Variants in IQUB observed in about 807,000 individuals in gnomAD.
The protein encoded by IQUB is IQ motif and ubiquitin domain containing, also known as IQ motif and ubiquitin-like domain-containing protein.
Under a neutral mutation model 86.4 loss-of-function variants are expected in IQUB, and 86 were observed. The ratio of observed to expected loss-of-function variants is 1.00; its 90% CI spans 0.84 to 1.19. The LOEUF (loss-of-function observed/expected upper bound fraction) is 1.19. IQUB is among the 50% of genes most tolerant of loss of function. The pLI, the probability that IQUB is intolerant of heterozygous loss-of-function variation, is 0.00. For synonymous variants in IQUB, 289 were observed against 304.5 expected (o/e 0.95, Z 0.53); for missense variants, 946 against 916.9 (o/e 1.03, Z -0.41).
chr7:123,524,807 G>T (rs199547414), intron 1 of IQUB, among the ~76,000 whole-genome samples: 46,305 of 140,964 alleles, frequency 0.33, 7,518 homozygotes, highest in African/African-American at 0.34. Flanking sequence ...TTCCAGTTTT[G>T]GCCCATTCAG....
In IQUB at chr7:123,465,581, T is replaced by C. The variant is rs576988622; in HGVS notation, c.1582-572A>G. ...AGTAATAGAAATGAGTGTGGTTGGA[T>C]GAAAAAGCCACAAGTAACAAGCGAT... On this transcript the variant is annotated intron_variant, in intron 9 of 12. Coordinates refer to ENST00000324698, the MANE Select transcript of IQUB (RefSeq NM_178827.5). 2.6e-5 allele frequency among the ~76,000 whole-genome samples: 4 copies of C among 152,104 alleles called. No homozygotes were observed. In the East Asian group the frequency reaches 5.8e-4, roughly 22 times the overall value.
intron 8 of IQUB, among the ~76,000 whole-genome samples, chr7:123,478,585 A>G (rs9640816): frequency 0.24 from 36,161 of 152,048 alleles, 4,947 homozygotes; most frequent in East Asian, 0.34. Flanking sequence ...AAAAGAAACA[A>G]TGTATGCTAA....
intron 7 of IQUB, among the ~76,000 whole-genome samples, chr7:123,491,007 A>G (rs1035137642): frequency 6.6e-6 from 1 of 151,982 alleles, no homozygotes; most frequent in Admixed American, 6.6e-5. Flanking sequence ...TCAAACCTCA[A>G]ATTATACAAA....
intron 6 of IQUB, chr7:123,502,373 C>G: frequency 2.0e-6 from 1 of 503,388 alleles, no homozygotes; most frequent in Non-Finnish European, 3.5e-6. Context: ...CACAAAGAAG[C>G]TGGGTTTCCC....
At chr7:123,480,494 A>G (rs1360312005) in intron 7 of IQUB, among the ~76,000 whole-genome samples, 1 of 152,072 alleles carries the variant, frequency 6.6e-6, no homozygotes, top group Admixed American at 6.6e-5. Context: ...ATCATATCAG[A>G]GTCAATTGTT....
chr7:123,526,127 T>G (rs1230464409), intron 1 of IQUB, among the ~76,000 whole-genome samples: 1 of 146,650 alleles, frequency 6.8e-6, no homozygotes, highest in East Asian at 2.0e-4. Flanking sequence ...TCCAAGTATG[T>G]GGTCAATTTT....
intron 1 of IQUB, among the ~76,000 whole-genome samples, chr7:123,517,530 CAAAA>C (rs374712007): frequency 1.8e-4 from 4 of 22,452 alleles, no homozygotes; most frequent in African/African-American, 8.0e-4. Context: ...GACTCCATCT[CAAAA>C]AAAAAAAAAA....
intron 1 of IQUB, among the ~76,000 whole-genome samples, chr7:123,521,580 G>A (rs1796905520): frequency 6.6e-6 from 1 of 151,848 alleles, no homozygotes; most frequent in African/African-American, 2.4e-5. Context: ...CAGGGCGGTG[G>A]AGATTGTAGT....
intron 1 of IQUB, among the ~76,000 whole-genome samples, chr7:123,524,204 T>C (rs1797062655): frequency 6.7e-6 from 1 of 148,242 alleles, no homozygotes; most frequent in Admixed American, 6.8e-5. Context: ...TTTGGTTCCA[T>C]ATGAACTTTA....
At chr7:123,524,938 T>C (rs1797118460) in intron 1 of IQUB, among the ~76,000 whole-genome samples, 1 of 151,930 alleles carries the variant, frequency 6.6e-6, no homozygotes. Flanking sequence ...CAAAGGCCTT[T>C]TCTGCATCTA....
At chr7:123,526,922 G>C (rs1410948238) in intron 1 of IQUB, among the ~76,000 whole-genome samples, 10 of 152,034 alleles carry the variant, frequency 6.6e-5, no homozygotes, top group African/African-American at 2.4e-4. Flanking sequence ...GCATTTGCTT[G>C]TCTGTAAAGT....
chr7:123,473,567 T>TTTTTTTG (rs939783715), intron 8 of IQUB, among the ~76,000 whole-genome samples: 2 of 151,960 alleles, frequency 1.3e-5, no homozygotes, highest in Non-Finnish European at 2.9e-5. Flanking sequence ...AGTTCTTTTG[T>TTTTTTTG]TTTTTTGTTT....
chr7:123,499,756 C>T lies in IQUB; in HGVS notation c.1023+2841G>A, dbSNP rs569866201. Among the ~76,000 whole-genome samples, 10 of 152,272 alleles carry T rather than the reference C, an allele frequency of 6.6e-5. No homozygotes were observed. In the South Asian group the frequency reaches 2.1e-3, roughly 32 times the overall value. ...TTAAAAAATGTGTATGAGTAACTGTCAGAGGCGTGTGAACCAGAGCAACTC... is the reference window on the plus strand; with the variant it reads ...TTAAAAAATGTGTATGAGTAACTGTTAGAGGCGTGTGAACCAGAGCAACTC... On this transcript the variant is annotated intron_variant, in intron 6 of 12. Transcript: ENST00000324698.
intron 7 of IQUB, among the ~76,000 whole-genome samples, chr7:123,490,681 T>C (rs939370681): frequency 1.3e-5 from 2 of 152,170 alleles, no homozygotes; most frequent in Non-Finnish European, 2.9e-5. Flanking sequence ...AGAACTCAAA[T>C]TGGCCGGGTG....
chr7:123,461,631 AAAAG>A lies in IQUB; in HGVS notation c.1759-30_1759-27del, dbSNP rs768705191. The A allele has an allele frequency of 2.0e-6, 3 of 1,512,152 alleles. 1 individual carries two copies. The Admixed American group carries it at 7.0e-5, about 35-fold the overall frequency. 93.7% of individuals were successfully genotyped at this position (1,512,152 alleles called of 1,614,324 possible). A position where few individuals can be genotyped will look rare whatever the true frequency, so the allele number is the denominator to read the frequency against. ...CTAAATAAATAGTAAAAAAAGAAAA[AAAAG>A]GTCTAAAAAGCCAGGCCAGGCCAAA... On this transcript the variant is annotated intron_variant, in intron 10 of 12. Transcript: ENST00000324698.
At chr7:123,518,506 C>T (rs1421792626) in intron 1 of IQUB, among the ~76,000 whole-genome samples, 1 of 152,172 alleles carries the variant, frequency 6.6e-6, no homozygotes, top group Non-Finnish European at 1.5e-5. Context: ...TCTCTGACCT[C>T]ATCTTCTAAA....
rs112260378 is a variant in IQUB, at chr7:123,473,700, C to T, written c.1411-4316G>A. Among the ~76,000 whole-genome samples, 261 of 151,266 alleles carry T rather than the reference C, an allele frequency of 1.7e-3. 1 individual carries two copies. The highest frequency in any genetic ancestry group is 5.9e-3 in the African/African-American group (245 of 41,290). ...AAGTGATTCTCCTGCCTCAGCCTCCCGAGTAGCTGGGATTACAGGCACCCG... is the reference window on the plus strand; with the variant it reads ...AAGTGATTCTCCTGCCTCAGCCTCCTGAGTAGCTGGGATTACAGGCACCCG... On this transcript the variant is annotated intron_variant, in intron 8 of 12. Transcript: ENST00000324698.
chr7:123,518,265 G>C (rs1796738368), intron 1 of IQUB, among the ~76,000 whole-genome samples: 1 of 151,640 alleles, frequency 6.6e-6, no homozygotes, highest in African/African-American at 2.4e-5. Context: ...CAGTACTACT[G>C]CAACAGTCTC....
intron 8 of IQUB, among the ~76,000 whole-genome samples, chr7:123,472,493 C>T (rs903845276): frequency 1.3e-5 from 2 of 152,000 alleles, no homozygotes; most frequent in Non-Finnish European, 2.9e-5. Context: ...AAGATGAGTA[C>T]GCTTGATGAC....
Sources: allele counts gnomAD v4.1 joint callset (sites outside exome capture counted in the v4.1 genomes callset), GRCh38; gene constraint gnomAD v4.1.1; transcripts MANE v1.5; gene names NCBI Gene and HGNC (gene_info 2026-07-23, HGNC 2026-07-21).